ASRGL1: variants seen among roughly 807,000 people sequenced by gnomAD.
The protein encoded by ASRGL1 is asparaginase and isoaspartyl peptidase 1.
ASRGL1 carries 16 observed loss-of-function variants against 22.4 expected under a neutral mutation model. The ratio of observed to expected loss-of-function variants is 0.71; its 90% CI spans 0.48 to 1.08. The LOEUF (loss-of-function observed/expected upper bound fraction) is 1.08. ASRGL1 is among the 50% of genes least tolerant of loss of function. The probability of loss-of-function intolerance (pLI) is 0.00; values close to 1 mark genes in which losing one functional copy is unlikely to be tolerated. For synonymous variants in ASRGL1, 165 were observed against 159.3 expected (o/e 1.04, Z -0.27); for missense variants, 412 against 410.1 (o/e 1.00, Z -0.04).
chr11:62,357,022 G>A lies in ASRGL1; in HGVS notation c.369G>A (p.Ala123=), dbSNP rs770975541. The A allele has an allele frequency of 4.0e-5, 65 of 1,613,678 alleles. No individual in the cohort carries two copies. Among genetic ancestry groups the A allele is most frequent in the Non-Finnish European group, 4.5e-5 (53 of 1,179,990 alleles). Residue 123 remains alanine (A), a synonymous_variant, in exon 4 of 7, where the codon GCG becomes GCA. Transcript: ENST00000415229. ...GCTTTCTGACTGACCAAGGCGCAGCGCAGTTTGCAGCAGCTATGGGGGTTC... is the reference window on the plus strand; with the variant it reads ...GCTTTCTGACTGACCAAGGCGCAGCACAGTTTGCAGCAGCTATGGGGGTTC... The part of the protein sequence containing the change: ...PHCFLTDQGA[A]QFAAAMGVPE...
intron 2 of ASRGL1, among the ~76,000 whole-genome samples, chr11:62,340,577 C>T (rs1327946734): frequency 6.6e-6 from 1 of 152,190 alleles, no homozygotes; most frequent in South Asian, 2.1e-4. Context: ...GGAATTGGAG[C>T]AGCTAGTTCT....
At chr11:62,368,896 A>G (rs1307588135) in intron 4 of ASRGL1, among the ~76,000 whole-genome samples, 3 of 152,196 alleles carry the variant, frequency 2.0e-5, no homozygotes, top group Admixed American at 1.3e-4. Flanking sequence ...CTCCTATCTC[A>G]GTAAATAGAA....
chr11:62,392,249 G>A lies in ASRGL1; in HGVS notation c.892G>A (p.Asp298Asn). 6.2e-7 allele frequency: 1 copy of A among 1,614,068 alleles called. No individual in the cohort carries two copies. The highest frequency in any genetic ancestry group is 1.1e-5 in the South Asian group (1 of 91,072). The change falls in exon 7 of 7, where the codon GAT becomes AAT. Residue 298 changes from aspartate to asparagine, a missense_variant. By Grantham distance (23) the Asp-to-Asn change is conservative (BLOSUM62 1). Coordinates refer to ENST00000415229, the MANE Select transcript of ASRGL1 (RefSeq NM_001083926.2). ...AKDGKLHFGI[D>N]PDDTTITDLP ...GGACGGCAAGCTGCACTTCGGAATT[G>A]ATCCTGACGATACTACTATCACCGA...
At chr11:62,337,758 C>G (rs60486726) in intron 1 of ASRGL1, 132 bp from the exon 2 acceptor site, 1 of 489,146 alleles carries the variant, frequency 2.0e-6, no homozygotes, top group African/African-American at 2.0e-5. Context: ...AGGTCCGGGC[C>G]GGGGGCGGAG....
chr11:62,355,949 G>C (rs1029347747), intron 2 of ASRGL1, among the ~76,000 whole-genome samples: 3 of 152,212 alleles, frequency 2.0e-5, no homozygotes, highest in Admixed American at 6.5e-5. Context: ...TAAGGTCACA[G>C]ATCAACAGGA....
intron 4 of ASRGL1, among the ~76,000 whole-genome samples, chr11:62,370,197 G>C (rs1946726651): frequency 6.6e-6 from 1 of 152,166 alleles, no homozygotes; most frequent in South Asian, 2.1e-4. Flanking sequence ...TGGACACAGG[G>C]ATCCACACGC....
At chr11:62,372,842 C>T in intron 4 of ASRGL1, 1 of 1,602,398 alleles carries the variant, frequency 6.2e-7, no homozygotes, top group Non-Finnish European at 8.5e-7. Flanking sequence ...GGGCCACCAA[C>T]ACCTCCCATG....
chr11:62,395,857 C>G (rs1947427843), downstream of ASRGL1, among the ~76,000 whole-genome samples: 1 of 147,090 alleles, frequency 6.8e-6, no homozygotes, highest in African/African-American at 2.5e-5. Flanking sequence ...CTGCAACCTC[C>G]ACCTCCCAGA....
At chr11:62,350,902 G>A (rs1428251794) in intron 2 of ASRGL1, among the ~76,000 whole-genome samples, 1 of 152,144 alleles carries the variant, frequency 6.6e-6, no homozygotes, top group African/African-American at 2.4e-5. Context: ...ATTTAAACCT[G>A]CTATTGTATG....
At chr11:62,399,337 G>A in the ASRGL1 span, among the ~76,000 whole-genome samples, 1 of 152,208 alleles carries the variant, frequency 6.6e-6, no homozygotes, top group Non-Finnish European at 1.5e-5. Context: ...AGCATTCCCA[G>A]CCCAGAGTTC....
downstream of ASRGL1, among the ~76,000 whole-genome samples, chr11:62,395,933 G>T (rs1426268308): frequency 6.6e-6 from 1 of 151,630 alleles, no homozygotes; most frequent in African/African-American, 2.4e-5. Context: ...CACCATGCCT[G>T]CCTAATTTTT....
intron 4 of ASRGL1, among the ~76,000 whole-genome samples, chr11:62,376,238 G>A (rs531855579): frequency 6.7e-6 from 1 of 148,442 alleles, no homozygotes. Flanking sequence ...CAGTGGCTCC[G>A]CTTTCTTGGT....
intron 2 of ASRGL1, among the ~76,000 whole-genome samples, chr11:62,338,508 G>A (rs1022337069): frequency 6.6e-6 from 1 of 152,154 alleles, no homozygotes; most frequent in African/African-American, 2.4e-5. Context: ...CTGGGGGAGG[G>A]GGAGTGGTTT....
intron 4 of ASRGL1, among the ~76,000 whole-genome samples, chr11:62,362,551 ACATATAT>A (rs1946471798): frequency 8.0e-5 from 1 of 12,498 alleles, no homozygotes; most frequent in Non-Finnish European, 1.7e-4. Context: ...AAAATATATA[ACATATAT>A]TATTTATATA....
At chr11:62,355,622 CTTTT>C (rs56828559) in intron 2 of ASRGL1, among the ~76,000 whole-genome samples, 1 of 131,938 alleles carries the variant, frequency 7.6e-6, no homozygotes, top group African/African-American at 2.8e-5. Flanking sequence ...TTTCTAAATT[CTTTT>C]TTTTTTTTTT....
intron 4 of ASRGL1, chr11:62,381,757 G>A (rs946603235): frequency 6.6e-6 from 1 of 152,098 alleles, no homozygotes; most frequent in Non-Finnish European, 1.5e-5. Context: ...GCTGAGATAA[G>A]AGGCATATTT....
At chr11:62,372,571 G>T in intron 4 of ASRGL1, 2 of 892,844 alleles carry the variant, frequency 2.2e-6, no homozygotes, top group South Asian at 1.3e-5. Context: ...GAAGACAAAA[G>T]ACAGATTCTG....
At position 62,389,187 on chromosome 11, in the gene ASRGL1, C is replaced by T. The variant is rs751245761; in HGVS notation, c.546C>T (p.Tyr182=). 8 of 1,614,174 alleles carry T rather than the reference C, an allele frequency of 5.0e-6. No homozygotes were observed. Among genetic ancestry groups the T allele is most frequent in the South Asian group, 3.3e-5 (3 of 91,084 alleles). The part of the protein sequence containing the change: ...VALDCKGNVA[Y]ATSTGGIVNK... The stretch of plus-strand genomic sequence containing the variant: ...TGGACTGCAAAGGGAATGTAGCCTA[C>T]GCAACCTCCACAGGCGGTATCGTTA... Residue 182 remains tyrosine, a synonymous_variant, in exon 5 of 7, where the codon TAC becomes TAT. Coordinates refer to ENST00000415229, the MANE Select transcript of ASRGL1 (RefSeq NM_001083926.2).
rs1565177285 is a variant in ASRGL1 at position 62,391,850 on chromosome 11, G to A, written c.721+218G>A. The A allele has an allele frequency of 5.5e-6, 4 of 730,252 alleles. No homozygotes were observed. The East Asian group carries it at 1.1e-4, about 20-fold the overall frequency. The allele number at this position is 730,252 out of a possible 1,614,324, so 45.2% of individuals were successfully genotyped here. A position where few individuals can be genotyped will look rare whatever the true frequency, so the allele number is the denominator to read the frequency against. The stretch of plus-strand genomic sequence containing the variant: ...ATCTTCCACATCTCAGGAGAAGGGG[G>A]CAGTAGAGAGACATTGAGCCTGGAT... On this transcript the variant is annotated intron_variant, in intron 6 of 6. Transcript: ENST00000415229.
Sources: allele counts gnomAD v4.1 joint callset (sites outside exome capture counted in the v4.1 genomes callset), GRCh38; gene constraint gnomAD v4.1.1; transcripts MANE v1.5; gene names NCBI Gene and HGNC (gene_info 2026-07-23, HGNC 2026-07-21).